The following TATDN3 variants were observed in gnomAD, a reference collection of about 807,000 sequenced individuals.
The protein encoded by TATDN3 is TatD DNase domain containing 3.
In TATDN3, 29 loss-of-function variants were observed where a neutral mutation model predicts 40.1. The observed-to-expected ratio is 0.72, with a 90% CI of 0.54 to 0.99. TATDN3 has a LOEUF of 0.99. Ranked by LOEUF, TATDN3 falls within the 50% of genes least tolerant of loss-of-function variation. The pLI is 0.00. For missense variants in TATDN3, 309 were observed against 321.9 expected, an observed-to-expected ratio of 0.96 and a Z score of 0.31; for synonymous variants, 105 against 117.0, an observed-to-expected ratio of 0.90 and a Z score of 0.66.
chr1:212,808,086 G>T (rs1017505852), intron 8 of TATDN3, among the ~76,000 whole-genome samples: 1 of 152,152 alleles, frequency 6.6e-6, no homozygotes, highest in Middle Eastern at 3.2e-3. Flanking sequence ...GCTGAAGCGG[G>T]TAGATCACCT....
intron 4 of TATDN3, among the ~76,000 whole-genome samples, chr1:212,799,539 CTTTT>C (rs1181062032): frequency 7.2e-6 from 1 of 138,256 alleles, no homozygotes; most frequent in Admixed American, 7.3e-5. Context: ...ATAGGTACTT[CTTTT>C]TTTTTTTTTT....
chr1:212,806,610 C>T (rs1331286793), intron 7 of TATDN3, among the ~76,000 whole-genome samples: 4 of 149,244 alleles, frequency 2.7e-5, no homozygotes, highest in Non-Finnish European at 3.0e-5. Flanking sequence ...CTCCTGAGCT[C>T]GCTCAAGAGA....
chr1:212,807,945 C>A, intron 8 of TATDN3, 97 bp downstream of exon 8: 1 of 732,580 alleles, frequency 1.4e-6, no homozygotes, highest in Non-Finnish European at 2.2e-6. Context: ...AGTTACATTA[C>A]AAAAATTAAT....
rs893214077 is a variant in TATDN3 at position 212,804,771 on chromosome 1, G to C, written c.487+120G>C. The C allele has an allele frequency of 1.9e-5, 15 of 790,752 alleles. No homozygotes were observed. The African/African-American group carries it at 2.4e-4, about 13-fold the overall frequency. 49.0% of individuals were successfully genotyped at this position (790,752 alleles called of 1,614,324 possible). Reference sequence around the variant, plus strand: ...TTGAAGGGCAGGGGCAAGAAGGGGGGCAGAAATCATCTAAGATGATGTTGC... The same window carrying C: ...TTGAAGGGCAGGGGCAAGAAGGGGGCCAGAAATCATCTAAGATGATGTTGC... On this transcript the variant is annotated intron_variant, in intron 7 of 9. Coordinates refer to ENST00000366974, the MANE Select transcript of TATDN3 (RefSeq NM_001042552.3).
In TATDN3 at chr1:212,804,414, G is replaced by C. The variant is rs773947269; in HGVS notation, c.416G>C (p.Arg139Thr). ...ATCAGACAGATCCAGTTAGCCAAAAGACTAAATTTGCCTGTGTAGGTTAAT... is the reference window on the plus strand; with the variant it reads ...ATCAGACAGATCCAGTTAGCCAAAACACTAAATTTGCCTGTGTAGGTTAAT... ...VLIRQIQLAK[R>T]LNLPVNVHSR... is the part of the protein sequence containing the mutation. The change falls in exon 6 of 10, where the codon AGA becomes ACA. Residue 139 changes from arginine (R) to threonine (T), a missense_variant. Coordinates refer to ENST00000366974, the MANE Select transcript of TATDN3 (RefSeq NM_001042552.3). 1.2e-6 allele frequency: 2 copies of C among 1,613,816 alleles called. No individual in the cohort carries two copies. Among genetic ancestry groups the C allele is most frequent in the Non-Finnish European group, 1.7e-6 (2 of 1,179,800 alleles).
At chr1:212,800,680 A>G (rs746664274) in intron 4 of TATDN3, among the ~76,000 whole-genome samples, 5 of 151,830 alleles carry the variant, frequency 3.3e-5, no homozygotes, top group Non-Finnish European at 5.9e-5. Context: ...TCTTTCATTC[A>G]TTCCCTTTTT....
chr1:212,807,364 C>T (rs571887480), intron 7 of TATDN3, among the ~76,000 whole-genome samples: 1 of 152,162 alleles, frequency 6.6e-6, no homozygotes, highest in Admixed American at 6.5e-5. Context: ...GTGATCCTCC[C>T]ACCTTAGCTT....
In TATDN3 at chr1:212,791,914, G is replaced by C. The variant is rs772831638; in HGVS notation, c.-8G>C. Reference sequence around the variant, plus strand: ...TGGCCGGTCTAAAGCGGCAGCCGCCGGGGCGCAATGCGAGCGGCTGGCGTA... The same window carrying C: ...TGGCCGGTCTAAAGCGGCAGCCGCCCGGGCGCAATGCGAGCGGCTGGCGTA... On this transcript the variant is annotated 5_prime_UTR_variant, in exon 1 of 10. Coordinates refer to ENST00000366974, the MANE Select transcript of TATDN3 (RefSeq NM_001042552.3). The C allele has an allele frequency of 1.9e-6, 3 of 1,613,296 alleles. No individual in the cohort carries two copies. Among genetic ancestry groups the C allele is most frequent in the East Asian group, 4.5e-5 (2 of 44,856 alleles).
rs1553257532 is a variant in TATDN3, at chr1:212,806,783, T to TAC, written c.488-937_488-936dup. On this transcript the variant is annotated intron_variant, in intron 7 of 9. Coordinates refer to ENST00000366974, the MANE Select transcript of TATDN3 (RefSeq NM_001042552.3). Reference sequence around the variant, plus strand: ...ATATATATATATATATATATATATATACACACACACACACACATATATACA... The same window carrying TAC: ...ATATATATATATATATATATATATATACACACACACACACACACATATATACA... 9.0e-3 allele frequency among the ~76,000 whole-genome samples: 716 copies of TAC among 79,496 alleles called. 110 individuals carry two copies. Among genetic ancestry groups the TAC allele is most frequent in the African/African-American group, 0.024 (500 of 20,856 alleles). The allele number at this position is 79,496 out of a possible 152,430, so 52.2% of individuals were successfully genotyped here.
intron 4 of TATDN3, 161 bp downstream of exon 4, chr1:212,797,357 T>C (rs1263519606): frequency 1.5e-5 from 9 of 611,074 alleles, no homozygotes; most frequent in Non-Finnish European, 2.3e-5. Flanking sequence ...TTATTCGTAA[T>C]AGAGAAAAAG....
intron 6 of TATDN3, 64 bp from the exon 7 acceptor site, chr1:212,804,527 CTACTT>C: frequency 1.9e-6 from 3 of 1,565,698 alleles, no homozygotes; most frequent in Non-Finnish European, 2.6e-6. Context: ...TTTCTCCAAA[CTACTT>C]TAATAGATCA....
At chr1:212,797,252 G>C in intron 4 of TATDN3, 56 bp downstream of exon 4, 1 of 1,309,050 alleles carries the variant, frequency 7.6e-7, no homozygotes, top group Non-Finnish European at 1.1e-6. Context: ...AGAATTATTT[G>C]ACTCAGTAAT....
chr1:212,793,233 G>C (rs1661478601), intron 1 of TATDN3, among the ~76,000 whole-genome samples: 1 of 151,936 alleles, frequency 6.6e-6, no homozygotes, highest in Non-Finnish European at 1.5e-5. Context: ...TATTTTTTTA[G>C]ATTGAGTCTG....
chr1:212,793,905 G>C (rs2102425476), intron 1 of TATDN3, among the ~76,000 whole-genome samples: 1 of 152,252 alleles, frequency 6.6e-6, no homozygotes, highest in African/African-American at 2.4e-5. Context: ...GGGGCATATT[G>C]GGAAACCTAA....
intron 7 of TATDN3, among the ~76,000 whole-genome samples, chr1:212,805,621 GGCAATCACA>G (rs1571964377): frequency 6.6e-6 from 1 of 152,146 alleles, no homozygotes; most frequent in East Asian, 1.9e-4. Context: ...AAAAAAGAAG[GGCAATCACA>G]GCAATCACAT....
At chr1:212,801,224 G>A (rs1662159237) in intron 4 of TATDN3, among the ~76,000 whole-genome samples, 1 of 151,022 alleles carries the variant, frequency 6.6e-6, no homozygotes, top group Non-Finnish European at 1.5e-5. Flanking sequence ...AAGTATAATA[G>A]AACCATTAGC....
chr1:212,795,058 C>T, intron 1 of TATDN3, 37 bp from the exon 2 acceptor site: 1 of 1,562,336 alleles, frequency 6.4e-7, no homozygotes, highest in Non-Finnish European at 8.8e-7. Context: ...GCTGCTTATT[C>T]ATCTAAAATA....
intron 8 of TATDN3, 123 bp from the exon 9 acceptor site, chr1:212,812,125 G>A (rs551191152): frequency 1.8e-4 from 113 of 611,642 alleles, no homozygotes; most frequent in Non-Finnish European, 1.4e-4. Flanking sequence ...GAGCCACCGC[G>A]CCCAGCCTAA....
intron 4 of TATDN3, among the ~76,000 whole-genome samples, chr1:212,801,724 T>C (rs1662191626): frequency 6.6e-6 from 1 of 152,236 alleles, no homozygotes; most frequent in Non-Finnish European, 1.5e-5. Context: ...TGTTGTCAAA[T>C]AGCTTTTCTG....
Sources: allele counts gnomAD v4.1 joint callset (sites outside exome capture counted in the v4.1 genomes callset), GRCh38; gene constraint gnomAD v4.1.1; transcripts MANE v1.5; gene names NCBI Gene and HGNC (gene_info 2026-07-23, HGNC 2026-07-21).